IFT80: variants seen among roughly 807,000 people sequenced by gnomAD.
The protein encoded by IFT80 is intraflagellar transport 80.
IFT80 carries 79 observed loss-of-function variants against 107.9 expected under a neutral mutation model. That is an observed-to-expected ratio of 0.73 (90% CI 0.61 to 0.88). IFT80 has a LOEUF of 0.88. IFT80 is among the 40% of genes least tolerant of loss of function. The pLI is 0.00. For missense variants in IFT80, 797 were observed against 914.2 expected, an observed-to-expected ratio of 0.87 and a Z score of 1.65; for synonymous variants, 299 against 300.9, an observed-to-expected ratio of 0.99 and a Z score of 0.07.
At chr3:160,336,384 G>T (rs1719462972) in intron 8 of IFT80, among the ~76,000 whole-genome samples, 1 of 152,000 alleles carries the variant, frequency 6.6e-6, no homozygotes, top group Admixed American at 6.6e-5. Flanking sequence ...TTGAGGTTTA[G>T]GAATTGCTTT....
rs746552332 is a variant in IFT80, at chr3:160,290,561, TTTTG to T, written c.1316-4697_1316-4694del. On this transcript the variant is annotated intron_variant, in intron 12 of 19. Coordinates refer to ENST00000326448, the MANE Select transcript of IFT80 (RefSeq NM_020800.3). The stretch of plus-strand genomic sequence containing the variant: ...TATATTTAAAACAAGCTTTGGTGTT[TTTTG>T]TTTGTTTGTTTTTGTTTTGTTTTGT... Among the ~76,000 whole-genome samples, 104 of 150,790 alleles carry T rather than the reference TTTTG, an allele frequency of 6.9e-4. No individual in the cohort carries two copies. The Middle Eastern group carries it at 0.01, about 15-fold the overall frequency.
intron 18 of IFT80, among the ~76,000 whole-genome samples, chr3:160,275,264 C>T (rs891346596): frequency 1.3e-5 from 2 of 152,068 alleles, no homozygotes; most frequent in African/African-American, 4.8e-5. Context: ...ATTTTTTATT[C>T]TTTAGATGGA....
Position 160,319,751 on chromosome 3 carries a change from T to TG in IFT80, c.957+8_957+9insC. The TG allele has an allele frequency of 6.2e-7, 1 of 1,611,244 alleles. No homozygotes were observed. The highest frequency in any genetic ancestry group is 8.5e-7 in the Non-Finnish European group (1 of 1,177,766). ...AGCAGGTTTAATCAACCTTGGAACA[T>TG]AATAATACCTGCATGGCTCTTCTTT... is the stretch of plus-strand genomic sequence containing the variant. On this transcript the variant is annotated intron_variant, in intron 9 of 19. Transcript: ENST00000326448.
chr3:160,306,864 A>C (rs1716865874), intron 10 of IFT80, among the ~76,000 whole-genome samples: 1 of 152,194 alleles, frequency 6.6e-6, no homozygotes, highest in African/African-American at 2.4e-5. Context: ...GTATTTATTA[A>C]GTACCCACAC....
At chr3:160,325,324 T>C (rs921621541) in intron 8 of IFT80, among the ~76,000 whole-genome samples, 6 of 152,126 alleles carry the variant, frequency 3.9e-5, no homozygotes, top group African/African-American at 1.4e-4. Flanking sequence ...CATCGCTAAG[T>C]CAATCCTAAG....
At chr3:160,380,432 GCTACTGGCCA>G (rs1225064685) in intron 3 of IFT80, among the ~76,000 whole-genome samples, 1 of 152,068 alleles carries the variant, frequency 6.6e-6, no homozygotes, top group Non-Finnish European at 1.5e-5. Context: ...TGAGCCTTGG[GCTACTGGCCA>G]CCGTCATACT....
chr3:160,324,643 G>A (rs1209263139), intron 8 of IFT80, among the ~76,000 whole-genome samples: 2 of 151,964 alleles, frequency 1.3e-5, no homozygotes, highest in Non-Finnish European at 2.9e-5. Context: ...AATAATAAGA[G>A]CTATCTATGA....
chr3:160,372,294 C>A (rs1248057884), intron 5 of IFT80, among the ~76,000 whole-genome samples: 3 of 152,162 alleles, frequency 2.0e-5, no homozygotes, highest in African/African-American at 7.2e-5. Context: ...TCAAAGGAGG[C>A]AGTAGTCTTG....
At chr3:160,298,642 C>G (rs1337703886) in intron 12 of IFT80, among the ~76,000 whole-genome samples, 2 of 152,142 alleles carry the variant, frequency 1.3e-5, no homozygotes, top group Admixed American at 6.5e-5. Flanking sequence ...TACTGCCATG[C>G]CTTGCTCAAT....
chr3:160,348,294 CT>C (rs1390110934), intron 8 of IFT80, among the ~76,000 whole-genome samples: 1 of 152,184 alleles, frequency 6.6e-6, no homozygotes, highest in Non-Finnish European at 1.5e-5. Flanking sequence ...TTGAGAACCA[CT>C]GCAGTAGTTT....
intron 7 of IFT80, among the ~76,000 whole-genome samples, chr3:160,356,482 A>G (rs1721099792): frequency 6.6e-6 from 1 of 152,206 alleles, no homozygotes; most frequent in Admixed American, 6.5e-5. Flanking sequence ...CCTTTTAAAT[A>G]TAATAGTACA....
intron 9 of IFT80, among the ~76,000 whole-genome samples, chr3:160,318,165 G>A (rs1045271628): frequency 6.6e-6 from 1 of 151,662 alleles, no homozygotes; most frequent in Admixed American, 6.6e-5. Context: ...GCTGGGTGAT[G>A]AGTACATGGG....
chr3:160,370,536 T>A (rs2108385114), intron 5 of IFT80, among the ~76,000 whole-genome samples: 1 of 151,852 alleles, frequency 6.6e-6, no homozygotes, highest in Non-Finnish European at 1.5e-5. Flanking sequence ...ACTGGATCAA[T>A]ACAAGAAAAA....
chr3:160,337,624 C>CA (rs945175930), intron 8 of IFT80, among the ~76,000 whole-genome samples: 32 of 143,150 alleles, frequency 2.2e-4, no homozygotes, highest in East Asian at 1.2e-3. Context: ...ACTCTGTCTC[C>CA]AAAAAAAAAA....
intron 14 of IFT80, among the ~76,000 whole-genome samples, chr3:160,282,212 CGGA>C (rs1214786949): frequency 1.3e-5 from 2 of 152,040 alleles, no homozygotes; most frequent in African/African-American, 2.4e-5. Context: ...GCCCAGGAAG[CGGA>C]GGTTTTGGTG....
intron 8 of IFT80, among the ~76,000 whole-genome samples, chr3:160,335,156 T>C (rs1006859328): frequency 2.6e-5 from 4 of 152,072 alleles, no homozygotes; most frequent in African/African-American, 9.7e-5. Context: ...TCTTTTTTTT[T>C]TTTGAGATAA....
At chr3:160,330,197 C>A (rs75834465) in intron 8 of IFT80, among the ~76,000 whole-genome samples, 17,081 of 152,158 alleles carry the variant, frequency 0.11, 1,303 homozygotes, top group Non-Finnish European at 0.16. Context: ...AAAGAACAAC[C>A]AAAACCCTGG....
At chr3:160,304,018 T>C in intron 10 of IFT80, 29 bp from the exon 11 acceptor site, 2 of 1,404,980 alleles carry the variant, frequency 1.4e-6, no homozygotes, top group Non-Finnish European at 1.0e-6. Context: ...GGATATTTAT[T>C]AACATTTAAA....
rs577670319 is a variant in IFT80, at chr3:160,318,128, C to T, written c.957+1632G>A. ...GTAGATAGGACATGGACTGGGCAGG[C>T]TTAAGCATGAACTAGTGATTACTGG... On this transcript the variant is annotated intron_variant, in intron 9 of 19. Coordinates refer to ENST00000326448, the MANE Select transcript of IFT80 (RefSeq NM_020800.3). 2.0e-5 allele frequency among the ~76,000 whole-genome samples: 3 copies of T among 151,662 alleles called. No homozygotes were observed. The East Asian group carries it at 5.8e-4, about 29-fold the overall frequency.
Sources: gnomAD v4.1 joint callset for allele counts (sites outside exome capture counted in the v4.1 genomes callset) on GRCh38, gnomAD v4.1.1 for gene constraint, MANE v1.5 for transcripts, NCBI Gene and HGNC (gene_info 2026-07-23, HGNC 2026-07-21) for gene names.